Variants in SLC44A1 observed in about 807,000 individuals in gnomAD.
The protein encoded by SLC44A1 is choline transporter-like protein 1.
Under a neutral mutation model 79.3 loss-of-function variants are expected in SLC44A1, and 26 were observed. That is an observed-to-expected ratio of 0.33 (90% CI 0.24 to 0.46). The LOEUF (loss-of-function observed/expected upper bound fraction) is 0.46, where lower values mean the gene tolerates loss of function less well. SLC44A1 is among the 20% of genes least tolerant of loss of function. The pLI, the probability that SLC44A1 is intolerant of heterozygous loss-of-function variation, is 1.00. For synonymous variants in SLC44A1, 263 were observed against 286.2 expected (o/e 0.92, Z 0.82); for missense variants, 688 against 798.1 (o/e 0.86, Z 1.66).
intron 15 of SLC44A1, among the ~76,000 whole-genome samples, chr9:105,414,063 T>TC (rs1329012533): frequency 6.6e-6 from 1 of 151,614 alleles, no homozygotes; most frequent in African/African-American, 2.4e-5. Context: ...TTTTTTTTTT[T>TC]TGTATTTTTG....
At chr9:105,419,095 A>G (rs1159613276) in intron 15 of SLC44A1, among the ~76,000 whole-genome samples, 2 of 152,200 alleles carry the variant, frequency 1.3e-5, no homozygotes, top group Non-Finnish European at 2.9e-5. Flanking sequence ...TTGAAAAGAC[A>G]CAAAAGAAAA....
At chr9:105,309,457 CTAT>C (rs914160694) in intron 2 of SLC44A1, among the ~76,000 whole-genome samples, 1 of 152,094 alleles carries the variant, frequency 6.6e-6, no homozygotes, top group African/African-American at 2.4e-5. Context: ...GCTATTATTA[CTAT>C]TATTATTATT....
At chr9:105,290,002 G>A (rs994953446) in intron 1 of SLC44A1, among the ~76,000 whole-genome samples, 1 of 151,988 alleles carries the variant, frequency 6.6e-6, no homozygotes, top group African/African-American at 2.4e-5. Context: ...CTTTAGTAGA[G>A]ACAGGGTTTC....
intron 15 of SLC44A1, among the ~76,000 whole-genome samples, chr9:105,404,064 A>C (rs1337518653): frequency 2.0e-5 from 3 of 151,756 alleles, no homozygotes; most frequent in African/African-American, 7.3e-5. Flanking sequence ...AAGTGAAGAG[A>C]CCATTGTAAA....
intron 4 of SLC44A1, among the ~76,000 whole-genome samples, chr9:105,338,885 T>C (rs943364979): frequency 6.6e-6 from 1 of 152,232 alleles, no homozygotes; most frequent in African/African-American, 2.4e-5. Flanking sequence ...GGAATATCTT[T>C]AATATATAAT....
At chr9:105,257,732 G>A (rs1022768983) in intron 1 of SLC44A1, among the ~76,000 whole-genome samples, 3 of 152,220 alleles carry the variant, frequency 2.0e-5, no homozygotes, top group Non-Finnish European at 4.4e-5. Flanking sequence ...GTGAAGGGCA[G>A]ACAGATTTTA....
intron 6 of SLC44A1, among the ~76,000 whole-genome samples, chr9:105,357,855 A>G (rs909433385): frequency 9.9e-5 from 15 of 152,206 alleles, no homozygotes; most frequent in Non-Finnish European, 2.1e-4. Flanking sequence ...AAAGGATAAG[A>G]TGCCATTTAG....
intron 4 of SLC44A1, 32 bp downstream of exon 4, chr9:105,335,731 T>C: frequency 6.3e-7 from 1 of 1,594,608 alleles, no homozygotes; most frequent in Non-Finnish European, 8.6e-7. Flanking sequence ...ATCTATGTCC[T>C]GTCACCTTGT....
At chr9:105,366,167 T>C (rs1827934803) in intron 11 of SLC44A1, among the ~76,000 whole-genome samples, 179 bp from the exon 12 acceptor site, 1 of 152,240 alleles carries the variant, frequency 6.6e-6, no homozygotes, top group South Asian at 2.1e-4. Flanking sequence ...AAATATTTAA[T>C]TGAACTTATT....
chr9:105,279,169 A>T (rs1336471694), intron 1 of SLC44A1, among the ~76,000 whole-genome samples: 1 of 149,912 alleles, frequency 6.7e-6, no homozygotes, highest in East Asian at 2.0e-4. Context: ...ACTGCACTCC[A>T]GCCTGGGCGA....
At chr9:105,431,802 C>G (rs1179780970) in intron 15 of SLC44A1, among the ~76,000 whole-genome samples, 1 of 152,200 alleles carries the variant, frequency 6.6e-6, no homozygotes, top group East Asian at 1.9e-4. Flanking sequence ...TATGGAGTCC[C>G]TGTTCTGTGC....
At chr9:105,339,239 A>G (rs1043164184) in intron 4 of SLC44A1, among the ~76,000 whole-genome samples, 14 of 152,196 alleles carry the variant, frequency 9.2e-5, no homozygotes, top group African/African-American at 2.9e-4. Flanking sequence ...TATAAAAAAA[A>G]AACACTGAAA....
chr9:105,281,831 A>G (rs999627696), intron 1 of SLC44A1, among the ~76,000 whole-genome samples: 2 of 152,218 alleles, frequency 1.3e-5, no homozygotes, highest in African/African-American at 4.8e-5. Context: ...TTTCAGAGAA[A>G]TGAAGACTTT....
At chr9:105,279,317 CT>C (rs35697234) in intron 1 of SLC44A1, among the ~76,000 whole-genome samples, 2,031 of 133,298 alleles carry the variant, frequency 0.015, 5 homozygotes, top group Non-Finnish European at 0.022. Flanking sequence ...GAAAAGAAAA[CT>C]TTTTTTTTTT....
chr9:105,345,925 G>T (rs1827233699), intron 4 of SLC44A1, among the ~76,000 whole-genome samples: 1 of 148,462 alleles, frequency 6.7e-6, no homozygotes, highest in African/African-American at 2.5e-5. Flanking sequence ...TTTTGCATTA[G>T]AAGGAAAACT....
At chr9:105,313,919 C>G (rs1831248420) in intron 3 of SLC44A1, among the ~76,000 whole-genome samples, 1 of 151,864 alleles carries the variant, frequency 6.6e-6, no homozygotes, top group Non-Finnish European at 1.5e-5. Flanking sequence ...ACCACCGTGC[C>G]TGGCTAATTT....
chr9:105,349,654 C>T (rs925104610), intron 5 of SLC44A1, among the ~76,000 whole-genome samples: 1 of 151,972 alleles, frequency 6.6e-6, no homozygotes, highest in Non-Finnish European at 1.5e-5. Context: ...AAAAGGGGAT[C>T]CTTTGAATAG....
downstream of SLC44A1, among the ~76,000 whole-genome samples, chr9:105,401,555 G>A (rs1470467185): frequency 1.3e-5 from 2 of 152,048 alleles, no homozygotes; most frequent in Non-Finnish European, 2.9e-5. Context: ...TATTAGACCA[G>A]GGAAAGGTCA....
chr9:105,400,047 T>C (rs1381374510), downstream of SLC44A1, among the ~76,000 whole-genome samples: 1 of 151,906 alleles, frequency 6.6e-6, no homozygotes, highest in East Asian at 1.9e-4. Context: ...AATACAGAAT[T>C]ATCCGGGCAC....
Sources: gnomAD v4.1 joint callset for allele counts (sites outside exome capture counted in the v4.1 genomes callset) on GRCh38, gnomAD v4.1.1 for gene constraint, MANE v1.5 for transcripts, NCBI Gene and HGNC (gene_info 2026-07-23, HGNC 2026-07-21) for gene names.